Variants in METTL15 observed in about 807,000 individuals in gnomAD.
METTL15 encodes the protein 12S rRNA N(4)-cytidine methyltransferase METTL15.
A neutral mutation model predicts 38.3 loss-of-function variants in METTL15; 34 were observed. The ratio of observed to expected loss-of-function variants is 0.89; its 90% CI spans 0.68 to 1.18. METTL15 has a LOEUF of 1.18. Among genes scored for constraint, METTL15 ranks in the 50% most tolerant of loss-of-function variants. The probability of loss-of-function intolerance (pLI) is 0.00; values close to 1 mark genes in which losing one functional copy is unlikely to be tolerated. For synonymous variants in METTL15, 162 were observed against 170.9 expected, an observed-to-expected ratio of 0.95 and a Z score of 0.41; for missense variants, 438 against 498.4, an observed-to-expected ratio of 0.88 and a Z score of 1.15.
chr11:28,383,157 C>T (rs1590354222), intron 5 of METTL15, among the ~76,000 whole-genome samples: 1 of 152,158 alleles, frequency 6.6e-6, no homozygotes, highest in East Asian at 1.9e-4. Context: ...CTATTGTCGC[C>T]TTCTTTGTGT....
intron 3 of METTL15, among the ~76,000 whole-genome samples, chr11:28,199,885 G>A (rs1852045533): frequency 6.6e-6 from 1 of 151,912 alleles, no homozygotes; most frequent in Non-Finnish European, 1.5e-5. Flanking sequence ...TGGGATTACA[G>A]GCGCCCGCCA....
chr11:28,322,250 AT>A (rs1231526350), intron 6 of METTL15, among the ~76,000 whole-genome samples: 2 of 152,078 alleles, frequency 1.3e-5, no homozygotes, highest in Non-Finnish European at 2.9e-5. Flanking sequence ...AGGAAAAAAT[AT>A]TTTTAACTAT....
At chr11:28,228,209 T>C (rs1853556221) in intron 4 of METTL15, among the ~76,000 whole-genome samples, 1 of 151,908 alleles carries the variant, frequency 6.6e-6, no homozygotes, top group Non-Finnish European at 1.5e-5. Flanking sequence ...TAAGGCTTTT[T>C]CATGTCTACC....
intron 3 of METTL15, among the ~76,000 whole-genome samples, chr11:28,133,145 A>T (rs7125749): frequency 0.38 from 57,456 of 151,946 alleles, 12,441 homozygotes; most frequent in African/African-American, 0.59. Flanking sequence ...ATCTTAGGGT[A>T]TCGTAATTTT....
At chr11:28,220,676 G>C (rs960406782) in intron 4 of METTL15, among the ~76,000 whole-genome samples, 2 of 152,088 alleles carry the variant, frequency 1.3e-5, no homozygotes, top group African/African-American at 4.8e-5. Context: ...TTACAATTTG[G>C]CATGTTTTTG....
chr11:28,184,237 G>T (rs1187927431), intron 3 of METTL15, among the ~76,000 whole-genome samples: 1 of 151,742 alleles, frequency 6.6e-6, no homozygotes, highest in East Asian at 1.9e-4. Flanking sequence ...TTTTTTGAAG[G>T]GTTTTTTGTG....
At chr11:28,393,540 T>G (rs1055052245) in intron 5 of METTL15, among the ~76,000 whole-genome samples, 1 of 152,052 alleles carries the variant, frequency 6.6e-6, no homozygotes, top group Non-Finnish European at 1.5e-5. Flanking sequence ...AGCTTCAAAA[T>G]GATAAAATGA....
At chr11:28,268,780 T>G (rs2133953160) in intron 4 of METTL15, among the ~76,000 whole-genome samples, 1 of 152,320 alleles carries the variant, frequency 6.6e-6, no homozygotes, top group East Asian at 1.9e-4. Flanking sequence ...TGTCCCTGAT[T>G]AGGATATTAT....
At chr11:28,342,260 AT>A (rs1290422280) in intron 3 of METTL15, among the ~76,000 whole-genome samples, 1 of 151,390 alleles carries the variant, frequency 6.6e-6, no homozygotes, top group Admixed American at 6.6e-5. Context: ...TTTTATTTTT[AT>A]TTTTATTTTT....
chr11:28,452,921 T>C (rs1307532169), intron 6 of METTL15, among the ~76,000 whole-genome samples: 6 of 152,214 alleles, frequency 3.9e-5, no homozygotes, highest in Non-Finnish European at 8.8e-5. Flanking sequence ...ACAAATGTTA[T>C]ACTTGTGGCC....
intron 6 of METTL15, among the ~76,000 whole-genome samples, chr11:28,493,590 A>C (rs541603294): frequency 6.6e-6 from 1 of 152,192 alleles, no homozygotes; most frequent in Non-Finnish European, 1.5e-5. Context: ...TACAGTAAAC[A>C]CTGGGCTTTC....
chr11:28,434,166 C>A (rs932910008), intron 6 of METTL15, among the ~76,000 whole-genome samples: 3 of 152,108 alleles, frequency 2.0e-5, no homozygotes, highest in Non-Finnish European at 2.9e-5. Context: ...TTAGTTCTCA[C>A]GAGATCTGGT....
chr11:28,378,682 C>G (rs1407430998), intron 5 of METTL15, among the ~76,000 whole-genome samples: 1 of 151,538 alleles, frequency 6.6e-6, no homozygotes, highest in Non-Finnish European at 1.5e-5. Context: ...GCTCCTCCAC[C>G]TGTTGTGTTC....
chr11:28,500,430 A>G lies in METTL15; in HGVS notation c.*425-26048A>G, dbSNP rs147106624. On this transcript the variant is annotated intron_variant and NMD_transcript_variant, in intron 6 of 7. Coordinates refer to the METTL15 transcript ENST00000532947. ...AAGAACAGGCTTGAGGGTGGTCCCA[A>G]TGCATTGGCAGGTAGGGTTTTCACA... is the stretch of plus-strand genomic sequence containing the variant. 7.8e-3 allele frequency among the ~76,000 whole-genome samples: 1,183 copies of G among 152,348 alleles called. 12 individuals are homozygous for G. The highest frequency in any genetic ancestry group is 0.043 in the South Asian group (207 of 4,826).
At chr11:28,262,394 A>T (rs1448891576) in intron 4 of METTL15, among the ~76,000 whole-genome samples, 1 of 150,916 alleles carries the variant, frequency 6.6e-6, no homozygotes, top group Non-Finnish European at 1.5e-5. Context: ...ACTGTATAGT[A>T]TATATATTAT....
chr11:28,323,538 ATCT>A (rs1341789760), intron 6 of METTL15, among the ~76,000 whole-genome samples: 1 of 152,210 alleles, frequency 6.6e-6, no homozygotes, highest in African/African-American at 2.4e-5. Flanking sequence ...ATGAAGGTAG[ATCT>A]TCTAAGTACA....
intron 6 of METTL15, among the ~76,000 whole-genome samples, chr11:28,494,307 T>C (rs544205735): frequency 6.6e-6 from 1 of 152,288 alleles, no homozygotes; most frequent in Admixed American, 6.5e-5. Context: ...CTTGAGCTGT[T>C]AAAGGTTTTT....
chr11:28,307,591 TTAAATGGTAAATCAGGC>T (rs1857126055), intron 6 of METTL15, among the ~76,000 whole-genome samples: 1 of 151,968 alleles, frequency 6.6e-6, no homozygotes, highest in South Asian at 2.1e-4. Flanking sequence ...TCCTATTCTT[TTAAATGGTAAATCAGGC>T]TAAATATGCC....
chr11:28,378,906 A>G (rs1315231639), intron 5 of METTL15, among the ~76,000 whole-genome samples: 1 of 151,614 alleles, frequency 6.6e-6, no homozygotes, highest in Non-Finnish European at 1.5e-5. Context: ...ATTACTAGTT[A>G]TTCGTTTGGT....
Sources: gnomAD v4.1 joint callset for allele counts (sites outside exome capture counted in the v4.1 genomes callset) on GRCh38, gnomAD v4.1.1 for gene constraint, MANE v1.5 for transcripts, NCBI Gene and HGNC (gene_info 2026-07-23, HGNC 2026-07-21) for gene names.